The following PDE8B variants were observed in gnomAD, a reference collection of about 807,000 sequenced individuals.
The protein encoded by PDE8B is high affinity cAMP-specific and IBMX-insensitive 3',5'-cyclic phosphodiesterase 8B.
Under a neutral mutation model 101.3 loss-of-function variants are expected in PDE8B, and 26 were observed. That is an observed-to-expected ratio of 0.26 (90% CI 0.19 to 0.36). PDE8B has a LOEUF of 0.36. Ranked by LOEUF, PDE8B falls within the 10% of genes least tolerant of loss-of-function variation. The pLI is 1.00. For missense variants in PDE8B, 810 were observed against 1,163.1 expected (o/e 0.70, Z 4.42); for synonymous variants, 424 against 429.3 (o/e 0.99, Z 0.15).
chr5:77,244,395 A>T (rs1166822800), intron 1 of PDE8B, among the ~76,000 whole-genome samples: 1 of 152,096 alleles, frequency 6.6e-6, no homozygotes, highest in Admixed American at 6.5e-5. Context: ...TCACGTATAG[A>T]GATGGGACCA....
chr5:77,131,663 A>G, the PDE8B span, among the ~76,000 whole-genome samples: 262 of 152,372 alleles, frequency 1.7e-3, 1 homozygote, highest in African/African-American at 6.0e-3. Flanking sequence ...AAGCAAAAGA[A>G]TAAAAATTTA....
chr5:77,351,719 A>C (rs1781153718), intron 9 of PDE8B, among the ~76,000 whole-genome samples: 1 of 152,078 alleles, frequency 6.6e-6, no homozygotes, highest in South Asian at 2.1e-4. Flanking sequence ...CCTCCAGTTA[A>C]ATTTTGTGAG....
At chr5:77,289,199 G>A (rs528018432) in intron 1 of PDE8B, among the ~76,000 whole-genome samples, 69 of 152,256 alleles carry the variant, frequency 4.5e-4, no homozygotes, top group African/African-American at 1.6e-3. Flanking sequence ...GTTTTGAAAC[G>A]TAAGGTGAAA....
intron 5 of PDE8B, among the ~76,000 whole-genome samples, chr5:77,331,678 G>A (rs1777162312): frequency 6.6e-6 from 1 of 152,150 alleles, no homozygotes; most frequent in Non-Finnish European, 1.5e-5. Flanking sequence ...ATATATCTTA[G>A]CAATAGATAT....
At chr5:77,319,396 G>C (rs1774525757) in intron 2 of PDE8B, among the ~76,000 whole-genome samples, 1 of 152,154 alleles carries the variant, frequency 6.6e-6, no homozygotes, top group African/African-American at 2.4e-5. Context: ...CCTAAGTACA[G>C]ACAGCAAAGC....
intron 1 of PDE8B, among the ~76,000 whole-genome samples, chr5:77,215,393 C>G (rs1749462368): frequency 6.6e-6 from 1 of 152,128 alleles, no homozygotes; most frequent in African/African-American, 2.4e-5. Context: ...TCATAAAATC[C>G]AAGTTTGCCT....
chr5:77,291,302 C>T (rs889913495), intron 1 of PDE8B: 23 of 1,612,890 alleles, frequency 1.4e-5, no homozygotes, highest in South Asian at 2.2e-5. Context: ...GGCCACTCCA[C>T]ACCAAGCAGG....
rs1168021768 is a variant in PDE8B at position 77,210,750 on chromosome 5, C to T, written c.-176C>T. The stretch of plus-strand genomic sequence containing the variant: ...GAAAGTTGGGGTGACGCGCGCGGTC[C>T]CCGGAGGCTCGGCGGGGGGCACCGC... On this transcript the variant is annotated 5_prime_UTR_variant, in exon 1 of 22. Transcript: ENST00000264917. This position sits in a 1 kb window ranked among gnomAD's most constrained non-coding sequence, Gnocchi z 4.9. 1.1e-5 allele frequency: 11 copies of T among 982,000 alleles called. No homozygotes were observed. Among genetic ancestry groups the T allele is most frequent in the Non-Finnish European group, 1.3e-5 (11 of 829,088 alleles). 60.8% of individuals were successfully genotyped at this position (982,000 alleles called of 1,614,324 possible). A position where few individuals can be genotyped will look rare whatever the true frequency, so the allele number is the denominator to read the frequency against.
At chr5:77,291,174 AC>A (rs1767238792) in intron 1 of PDE8B, 1 of 1,610,678 alleles carries the variant, frequency 6.2e-7, no homozygotes, top group African/African-American at 1.3e-5. Flanking sequence ...CCAGAGGTGT[AC>A]CACTGCGAGG....
intron 1 of PDE8B, among the ~76,000 whole-genome samples, chr5:77,300,229 C>T (rs546570384): frequency 2.2e-3 from 333 of 152,346 alleles, no homozygotes; most frequent in Admixed American, 4.2e-3. Context: ...GACGAGAATA[C>T]GTTACTCAGC....
At chr5:77,319,764 T>C (rs1774617805) in intron 2 of PDE8B, among the ~76,000 whole-genome samples, 1 of 152,096 alleles carries the variant, frequency 6.6e-6, no homozygotes, top group Non-Finnish European at 1.5e-5. Flanking sequence ...TCTGGGGATA[T>C]TGCATGATAC....
the PDE8B span, chr5:77,144,846 A>G: frequency 6.6e-6 from 1 of 152,066 alleles, no homozygotes; most frequent in Non-Finnish European, 1.5e-5. Context: ...TCTTTCTGGA[A>G]TGTTTACATC....
chr5:77,104,226 C>T, the PDE8B span, among the ~76,000 whole-genome samples: 31 of 152,248 alleles, frequency 2.0e-4, no homozygotes, highest in African/African-American at 5.5e-4. Context: ...TAAGGAACCA[C>T]GTGAAGGCTT....
chr5:77,426,518 A>T lies in PDE8B; in HGVS notation c.2622A>T (p.Leu874=). 2 of 1,613,174 alleles carry T rather than the reference A, an allele frequency of 1.2e-6. No individual in the cohort carries two copies. The highest frequency in any genetic ancestry group is 1.7e-6 in the Non-Finnish European group (2 of 1,179,134). ...NYKHWKTLDD[L]KCKSLRLPSD... is the part of the protein sequence containing the mutation. ...AACACTGGAAGACACTAGATGACCT[A>T]AAGTGCAAAAGTTTGAGGCTTCCAT... The change falls in exon 22 of 22, where the codon CTA becomes CTT. Residue 874 remains leucine, a synonymous_variant. Coordinates refer to ENST00000264917, the MANE Select transcript of PDE8B (RefSeq NM_003719.5).
At chr5:77,370,513 C>T (rs574340116) in intron 10 of PDE8B, among the ~76,000 whole-genome samples, 26 of 152,284 alleles carry the variant, frequency 1.7e-4, no homozygotes, top group Non-Finnish European at 2.9e-4. Flanking sequence ...CTGCTGAGCA[C>T]TGTTCTATTG....
chr5:77,298,264 A>T (rs996127873), intron 1 of PDE8B, among the ~76,000 whole-genome samples: 5 of 152,134 alleles, frequency 3.3e-5, no homozygotes, highest in Middle Eastern at 3.2e-3. Flanking sequence ...TTTAGACATC[A>T]TTTCAATCTT....
chr5:77,190,119 C>T, the PDE8B span, among the ~76,000 whole-genome samples: 34 of 152,146 alleles, frequency 2.2e-4, no homozygotes, highest in Non-Finnish European at 3.7e-4. Flanking sequence ...TGCCCATGTT[C>T]TTATTAATTC....
the PDE8B span, among the ~76,000 whole-genome samples, chr5:77,129,566 C>G: frequency 3.3e-5 from 5 of 152,162 alleles, no homozygotes; most frequent in African/African-American, 1.2e-4. Context: ...GTATCAGGGC[C>G]GGGGCCAGGC....
chr5:77,101,135 GTTT>G, the PDE8B span, among the ~76,000 whole-genome samples: 1 of 133,294 alleles, frequency 7.5e-6, no homozygotes, highest in African/African-American at 2.7e-5. Context: ...ACGCCTGCCT[GTTT>G]TTTTTTTTTT....
Sources: allele counts gnomAD v4.1 joint callset (sites outside exome capture counted in the v4.1 genomes callset), GRCh38; gene constraint gnomAD v4.1.1; non-coding constraint Gnocchi (gnomAD v3.1); transcripts MANE v1.5; gene names NCBI Gene and HGNC (gene_info 2026-07-23, HGNC 2026-07-21).